VKORC1L1: variants seen among roughly 807,000 people sequenced by gnomAD.
The protein encoded by VKORC1L1 is vitamin K epoxide reductase complex subunit 1L1, also known as vitamin K epoxide reductase complex subunit 1-like protein 1.
Under a neutral mutation model 18.9 loss-of-function variants are expected in VKORC1L1, and 2 were observed. The observed-to-expected ratio is 0.11, with a 90% CI of 0.04 to 0.33. The LOEUF (loss-of-function observed/expected upper bound fraction) is 0.33, where lower values mean the gene tolerates loss of function less well. VKORC1L1 is among the 10% of genes least tolerant of loss of function. The pLI is 1.00. For synonymous variants in VKORC1L1, 96 were observed against 100.0 expected (o/e 0.96, Z 0.24); for missense variants, 123 against 224.1 (o/e 0.55, Z 2.88).
At chr7:65,903,527 A>G (rs982026242) in intron 1 of VKORC1L1, among the ~76,000 whole-genome samples, 1 of 151,930 alleles carries the variant, frequency 6.6e-6, no homozygotes, top group Admixed American at 6.6e-5. Context: ...AGTGACCAAC[A>G]CCTGTAATCC....
intron 1 of VKORC1L1, among the ~76,000 whole-genome samples, chr7:65,936,039 C>T (rs1789937169): frequency 6.6e-6 from 1 of 151,846 alleles, no homozygotes; most frequent in African/African-American, 2.4e-5. Context: ...AATCTTTCAG[C>T]TCACTGAATC....
At chr7:65,923,710 C>G (rs774854972) in intron 1 of VKORC1L1, among the ~76,000 whole-genome samples, 3 of 152,142 alleles carry the variant, frequency 2.0e-5, no homozygotes, top group Non-Finnish European at 2.9e-5. Context: ...GTGTTTCCAG[C>G]TGAATGGGCT....
chr7:65,954,001 G>GA, intron 2 of VKORC1L1, 73 bp from the exon 3 acceptor site: 2 of 1,375,418 alleles, frequency 1.5e-6, no homozygotes, highest in East Asian at 4.6e-5. Flanking sequence ...GTCACACAGT[G>GA]TTATTCCTTG....
At chr7:65,945,434 AC>A (rs1170949556) in intron 1 of VKORC1L1, among the ~76,000 whole-genome samples, 2 of 151,746 alleles carry the variant, frequency 1.3e-5, no homozygotes, top group Non-Finnish European at 2.9e-5. Context: ...ACACGGTGAA[AC>A]CCCATCTCTA....
intron 1 of VKORC1L1, among the ~76,000 whole-genome samples, chr7:65,892,378 T>A (rs761965273): frequency 8.5e-5 from 13 of 152,238 alleles, no homozygotes; most frequent in African/African-American, 3.1e-4. Flanking sequence ...GTGATTGTAC[T>A]AATTTACATT....
chr7:65,910,365 G>A (rs888765985), intron 1 of VKORC1L1, among the ~76,000 whole-genome samples: 4 of 151,312 alleles, frequency 2.6e-5, no homozygotes, highest in African/African-American at 7.3e-5. Context: ...GACATTTTTT[G>A]TACCGAGATC....
chr7:65,888,084 T>A (rs186343288), intron 1 of VKORC1L1, among the ~76,000 whole-genome samples: 1 of 152,328 alleles, frequency 6.6e-6, no homozygotes, highest in Admixed American at 6.5e-5. Flanking sequence ...AACCCGCCCC[T>A]GTGTGTGTAT....
intron 1 of VKORC1L1, among the ~76,000 whole-genome samples, chr7:65,942,491 C>CAA (rs764138467): frequency 0.017 from 1,298 of 75,488 alleles, 37 homozygotes; most frequent in African/African-American, 0.06. Flanking sequence ...GACTCCATCT[C>CAA]AAAAAAAAAA....
intron 1 of VKORC1L1, among the ~76,000 whole-genome samples, chr7:65,891,099 A>ATT (rs35196492): frequency 0.32 from 40,551 of 128,016 alleles, 7,013 homozygotes; most frequent in East Asian, 0.47. Flanking sequence ...GCCCAGCATA[A>ATT]TTTTTTTTTT....
At chr7:65,940,417 A>G (rs747812571) in intron 1 of VKORC1L1, among the ~76,000 whole-genome samples, 8 of 152,166 alleles carry the variant, frequency 5.3e-5, no homozygotes, top group Non-Finnish European at 1.0e-4. Flanking sequence ...CAGAAATTTG[A>G]CCTCCAGTGT....
At chr7:65,952,377 TA>T (rs1790225434) in intron 2 of VKORC1L1, among the ~76,000 whole-genome samples, 1 of 152,170 alleles carries the variant, frequency 6.6e-6, no homozygotes, top group Admixed American at 6.5e-5. Context: ...TGGGTGCCAA[TA>T]AAACTTTATT....
chr7:65,925,992 T>C (rs1789756604), intron 1 of VKORC1L1, among the ~76,000 whole-genome samples: 3 of 152,040 alleles, frequency 2.0e-5, no homozygotes, highest in Admixed American at 6.6e-5. Context: ...TGTACAGATA[T>C]TGACCTTTGG....
At position 65,937,518 on chromosome 7, in the gene VKORC1L1, C is replaced by CT. The variant is rs566635532; in HGVS notation, c.195-11152dup. ...AAGTGATCCTCCCACCTCAGCCTCC[C>CT]TAGTAGCTAGGACTACAGGTGTGTG... On this transcript the variant is annotated intron_variant, in intron 1 of 2. Coordinates refer to ENST00000360768, the MANE Select transcript of VKORC1L1 (RefSeq NM_173517.6). Among the ~76,000 whole-genome samples, 12 of 152,296 alleles carry CT rather than the reference C, an allele frequency of 7.9e-5. No homozygotes were observed. In the East Asian group the frequency reaches 2.3e-3, roughly 29 times the overall value.
chr7:65,873,297 G>T lies in VKORC1L1; in HGVS notation c.-75G>T. 1 of 1,094,320 alleles carries T rather than the reference G, an allele frequency of 9.1e-7. No homozygotes were observed. Among genetic ancestry groups the T allele is most frequent in the Non-Finnish European group, 1.1e-6 (1 of 901,564 alleles). 67.8% of individuals were successfully genotyped at this position (1,094,320 alleles called of 1,614,324 possible). ...CGGAGGCGGCGGTGGCGGCGGTGGC[G>T]GCTGGGTCGGGCCCCGACGGGCGGC... is the stretch of plus-strand genomic sequence containing the variant. On this transcript the variant is annotated 5_prime_UTR_variant, in exon 1 of 3. Coordinates refer to ENST00000360768, the MANE Select transcript of VKORC1L1 (RefSeq NM_173517.6).
At chr7:65,941,673 G>GTTTTTTTTTTTTTTTTTTTTT (rs57537567) in intron 1 of VKORC1L1, among the ~76,000 whole-genome samples, 3 of 66,500 alleles carry the variant, frequency 4.5e-5, no homozygotes, top group Non-Finnish European at 8.3e-5. Flanking sequence ...TTTTCTTAAG[G>GTTTTTTTTTTTTTTTTTTTTT]TTTTTTTTTT....
intron 1 of VKORC1L1, among the ~76,000 whole-genome samples, chr7:65,937,297 G>GCT (rs1305773067): frequency 2.0e-5 from 3 of 152,070 alleles, no homozygotes; most frequent in Non-Finnish European, 2.9e-5. Context: ...ATTGCTTTTT[G>GCT]TGTTGTCCAA....
chr7:65,906,758 C>T (rs1190179655), intron 1 of VKORC1L1, among the ~76,000 whole-genome samples: 3 of 152,116 alleles, frequency 2.0e-5, no homozygotes, highest in Non-Finnish European at 2.9e-5. Context: ...GGAAGAGATC[C>T]ATAATTCATG....
intron 1 of VKORC1L1, among the ~76,000 whole-genome samples, chr7:65,936,933 C>G (rs937399265): frequency 1.5e-4 from 23 of 152,172 alleles, no homozygotes; most frequent in African/African-American, 5.1e-4. Flanking sequence ...ACAGAGACCC[C>G]TTCTCTCATT....
intron 1 of VKORC1L1, among the ~76,000 whole-genome samples, chr7:65,933,048 A>C (rs912972566): frequency 2.0e-5 from 3 of 147,548 alleles, no homozygotes; most frequent in African/African-American, 5.0e-5. Context: ...ACTGCACTCC[A>C]GCCTGGGCAA....
Sources: allele counts gnomAD v4.1 joint callset (sites outside exome capture counted in the v4.1 genomes callset), GRCh38; gene constraint gnomAD v4.1.1; transcripts MANE v1.5; gene names NCBI Gene and HGNC (gene_info 2026-07-23, HGNC 2026-07-21).